The following RSRC1 variants were observed in gnomAD, a reference collection of about 807,000 sequenced individuals.
RSRC1 encodes serine/Arginine-related protein 53.
A neutral mutation model predicts 49.1 loss-of-function variants in RSRC1; 39 were observed. That is an observed-to-expected ratio of 0.79 (90% CI 0.61 to 1.04). The LOEUF is 1.04. RSRC1 is among the 50% of genes least tolerant of loss of function. The probability of loss-of-function intolerance (pLI) is 0.00; values close to 1 mark genes in which losing one functional copy is unlikely to be tolerated. For synonymous variants in RSRC1, 143 were observed against 130.8 expected (o/e 1.09, Z -0.63); for missense variants, 388 against 402.4 (o/e 0.96, Z 0.31).
chr3:158,435,338 AT>A (rs1216905111), intron 6 of RSRC1, among the ~76,000 whole-genome samples: 1 of 151,778 alleles, frequency 6.6e-6, no homozygotes, highest in Admixed American at 6.6e-5. Flanking sequence ...AAATAATACT[AT>A]TGTCAGTGTC....
intron 5 of RSRC1, among the ~76,000 whole-genome samples, chr3:158,323,780 T>C (rs766980281): frequency 6.6e-6 from 1 of 152,248 alleles, no homozygotes; most frequent in Non-Finnish European, 1.5e-5. Context: ...GAAGTGATTG[T>C]TTTTAGTCAT....
chr3:158,237,822 G>C (rs1451590250), intron 4 of RSRC1, among the ~76,000 whole-genome samples: 2 of 152,100 alleles, frequency 1.3e-5, no homozygotes, highest in African/African-American at 4.8e-5. Flanking sequence ...GATTGCCCTG[G>C]CCAGAACTTC....
chr3:158,542,782 A>G (rs756176970), intron 8 of RSRC1, among the ~76,000 whole-genome samples: 1 of 152,166 alleles, frequency 6.6e-6, no homozygotes, highest in Admixed American at 6.5e-5. Context: ...GTGAAAAGCC[A>G]TTGAATTATG....
chr3:158,422,066 CTTT>C (rs869217283), intron 6 of RSRC1, among the ~76,000 whole-genome samples: 1,030 of 23,474 alleles, frequency 0.044, 10 homozygotes, highest in African/African-American at 0.14. Context: ...TTCAGTTTTT[CTTT>C]TTTATTATTA....
At chr3:158,524,008 A>G (rs1281673827) in intron 7 of RSRC1, among the ~76,000 whole-genome samples, 1 of 152,002 alleles carries the variant, frequency 6.6e-6, no homozygotes, top group East Asian at 1.9e-4. Context: ...CCTGGTTGCC[A>G]TTGCTTTGAT....
chr3:158,188,889 C>G (rs1329684648), intron 3 of RSRC1, among the ~76,000 whole-genome samples: 1 of 151,474 alleles, frequency 6.6e-6, no homozygotes, highest in East Asian at 1.9e-4. Flanking sequence ...CTCTTTTTCT[C>G]TTTGAGATGG....
intron 6 of RSRC1, among the ~76,000 whole-genome samples, chr3:158,429,518 C>T (rs906127176): frequency 4.2e-5 from 6 of 141,562 alleles, no homozygotes; most frequent in African/African-American, 1.6e-4. Flanking sequence ...TGTGTCTCTT[C>T]AATGGATCAA....
intron 3 of RSRC1, among the ~76,000 whole-genome samples, chr3:158,131,289 C>T (rs1345007688): frequency 1.3e-5 from 2 of 151,942 alleles, no homozygotes; most frequent in Non-Finnish European, 2.9e-5. Context: ...TAGTACCAAT[C>T]ACTGCTGGTT....
chr3:158,438,788 G>A (rs1029228808), intron 6 of RSRC1, among the ~76,000 whole-genome samples: 1 of 152,148 alleles, frequency 6.6e-6, no homozygotes, highest in Admixed American at 6.5e-5. Flanking sequence ...AACAGCAAAA[G>A]CAATGGCAAC....
At position 158,172,078 on chromosome 3, in the gene RSRC1, A is replaced by T. The variant is rs147009780; in HGVS notation, c.321-30994A>T. 1.0e-3 allele frequency among the ~76,000 whole-genome samples: 157 copies of T among 152,288 alleles called. 4 individuals carry two copies. The Middle Eastern group carries it at 0.014, about 13-fold the overall frequency. ...CTCGGTAACATGTGAGACAATAATA[A>T]AATATCTTCTTATATGTGTGTAATT... On this transcript the variant is annotated intron_variant, in intron 3 of 9. Transcript: ENST00000611884.
intron 7 of RSRC1, among the ~76,000 whole-genome samples, chr3:158,511,533 T>C (rs1208302954): frequency 6.6e-6 from 1 of 152,204 alleles, no homozygotes; most frequent in Non-Finnish European, 1.5e-5. Context: ...TGTTGGACAT[T>C]TGGGTTGGTT....
At chr3:158,537,941 CAT>C (rs1712809222) in intron 8 of RSRC1, among the ~76,000 whole-genome samples, 1 of 151,612 alleles carries the variant, frequency 6.6e-6, no homozygotes, top group Non-Finnish European at 1.5e-5. Flanking sequence ...ATTTTAAGTA[CAT>C]GTTTATTATC....
At chr3:158,449,545 G>A (rs1736902267) in intron 6 of RSRC1, among the ~76,000 whole-genome samples, 1 of 151,860 alleles carries the variant, frequency 6.6e-6, no homozygotes, top group Non-Finnish European at 1.5e-5. Context: ...GTGGAACCTT[G>A]TTTAAATGGA....
At chr3:158,329,814 T>C (rs1306348141) in intron 5 of RSRC1, among the ~76,000 whole-genome samples, 1 of 152,238 alleles carries the variant, frequency 6.6e-6, no homozygotes, top group Non-Finnish European at 1.5e-5. Flanking sequence ...TTTGTTTGTC[T>C]ATGCCCTGCC....
At chr3:158,112,133 C>T (rs1714457633) in intron 1 of RSRC1, among the ~76,000 whole-genome samples, 1 of 152,196 alleles carries the variant, frequency 6.6e-6, no homozygotes, top group African/African-American at 2.4e-5. Context: ...CCCATGTTGT[C>T]TCTTTCACCT....
intron 7 of RSRC1, among the ~76,000 whole-genome samples, chr3:158,529,694 A>G (rs1212475199): frequency 6.6e-6 from 1 of 151,990 alleles, no homozygotes; most frequent in Non-Finnish European, 1.5e-5. Flanking sequence ...CTGGAAAGGT[A>G]TTACATATAT....
chr3:158,426,185 C>T (rs760486866), intron 6 of RSRC1, among the ~76,000 whole-genome samples: 2 of 151,374 alleles, frequency 1.3e-5, no homozygotes, highest in African/African-American at 2.4e-5. Context: ...ATTTCTTAAA[C>T]AAGACAAAGT....
Position 158,545,105 on chromosome 3 carries a change from A to C in RSRC1, c.*830A>C, listed in dbSNP as rs1713258922. On this transcript the variant is annotated 3_prime_UTR_variant, in exon 10 of 10. Transcript: ENST00000611884. ...AATGACAATCAACTATACGTTCCAT[A>C]CTAAACATGCCAGAGATAGGACTTT... 6.6e-6 allele frequency: 1 copy of C among 152,002 alleles called. No homozygotes were observed. Among genetic ancestry groups the C allele is most frequent in the South Asian group, 2.1e-4 (1 of 4,822 alleles). The allele number at this position is 152,002 out of a possible 1,614,324, so 9.4% of individuals were successfully genotyped here.
intron 6 of RSRC1, among the ~76,000 whole-genome samples, chr3:158,451,509 G>C (rs1446487331): frequency 6.6e-6 from 1 of 152,000 alleles, no homozygotes; most frequent in Non-Finnish European, 1.5e-5. Context: ...CCTAGAAAGA[G>C]ACCCTGGCAC....
Sources: gnomAD v4.1 joint callset for allele counts (sites outside exome capture counted in the v4.1 genomes callset) on GRCh38, gnomAD v4.1.1 for gene constraint, MANE v1.5 for transcripts, NCBI Gene and HGNC (gene_info 2026-07-23, HGNC 2026-07-21) for gene names.